The following NPAS3 variants were observed in gnomAD, a reference collection of about 807,000 sequenced individuals.
NPAS3 encodes neuronal PAS domain-containing protein 3.
NPAS3 carries 14 observed loss-of-function variants against 73.1 expected under a neutral mutation model. That is an observed-to-expected ratio of 0.19 (90% CI 0.13 to 0.30). The LOEUF (loss-of-function observed/expected upper bound fraction) is 0.30. Among genes scored for constraint, NPAS3 ranks in the 10% least tolerant of loss-of-function variants. NPAS3 has a pLI of 1.00. For synonymous variants in NPAS3, 620 were observed against 541.5 expected (o/e 1.14, Z -2.01); for missense variants, 1,096 against 1,250.0 (o/e 0.88, Z 1.86).
intron 5 of NPAS3, among the ~76,000 whole-genome samples, chr14:33,626,208 A>T (rs2058214209): frequency 6.6e-6 from 1 of 152,180 alleles, no homozygotes; most frequent in Non-Finnish European, 1.5e-5. Context: ...GAATCTACAA[A>T]CATCTAAGTA....
intron 3 of NPAS3, among the ~76,000 whole-genome samples, chr14:33,353,054 A>G (rs1454449530): frequency 6.6e-6 from 1 of 152,156 alleles, no homozygotes; most frequent in Admixed American, 6.5e-5. Context: ...TACTAAGGAC[A>G]AAGTTTATAT....
At chr14:33,574,433 G>T (rs1397493671) in intron 5 of NPAS3, among the ~76,000 whole-genome samples, 1 of 152,160 alleles carries the variant, frequency 6.6e-6, no homozygotes, top group East Asian at 1.9e-4. Flanking sequence ...CCCATCAGTT[G>T]AAAGATTTCC....
intron 5 of NPAS3, among the ~76,000 whole-genome samples, chr14:33,623,531 C>T (rs1406049085): frequency 1.3e-5 from 2 of 152,206 alleles, no homozygotes; most frequent in Non-Finnish European, 2.9e-5. Flanking sequence ...TCTACTGCAG[C>T]CACCTAATGG....
In NPAS3 at chr14:33,213,238, C is replaced by CAA. The variant is rs57553703; in HGVS notation, c.141-1936_141-1935dup. ...GCCCCATCATAGTCACTTACTGGACCAAAAAAAAATTGTAAGTTTAGCCCA... is the reference window on the plus strand; with the variant it reads ...GCCCCATCATAGTCACTTACTGGACCAAAAAAAAAAATTGTAAGTTTAGCCCA... On this transcript the variant is annotated intron_variant, in intron 2 of 11. Coordinates refer to ENST00000356141, the Ensembl canonical transcript of NPAS3. 7.0e-3 allele frequency among the ~76,000 whole-genome samples: 1,061 copies of CAA among 151,236 alleles called. 6 individuals carry two copies. The highest frequency in any genetic ancestry group is 0.051 in the Middle Eastern group (15 of 292).
At position 33,767,361 on chromosome 14, in the gene NPAS3, T is replaced by C. The variant is rs151048770; in HGVS notation, c.853-6976T>C. 9.4e-3 allele frequency among the ~76,000 whole-genome samples: 1,424 copies of C among 152,174 alleles called. 15 individuals carry two copies. The highest frequency in any genetic ancestry group is 0.013 in the Non-Finnish European group (911 of 68,028). On this transcript the variant is annotated intron_variant, in intron 7 of 11. Coordinates refer to ENST00000356141, the Ensembl canonical transcript of NPAS3. Reference sequence around the variant, plus strand: ...GTTTCAGAAGACCCGGCTAAGCCCTTATCTTTCGGCAGGTTTCAGGCCACC... The same window carrying C: ...GTTTCAGAAGACCCGGCTAAGCCCTCATCTTTCGGCAGGTTTCAGGCCACC...
At chr14:33,187,513 G>T (rs375073576) in intron 2 of NPAS3, among the ~76,000 whole-genome samples, 35 of 152,146 alleles carry the variant, frequency 2.3e-4, no homozygotes, top group African/African-American at 7.7e-4. Flanking sequence ...TAGGTTTGTT[G>T]TATACTTGTT....
At chr14:33,033,997 G>T (rs61974883) in intron 1 of NPAS3, among the ~76,000 whole-genome samples, 14,089 of 152,194 alleles carry the variant, frequency 0.093, 698 homozygotes, top group Non-Finnish European at 0.11. Flanking sequence ...TTGAAGTGAT[G>T]ACAAATTTAA....
intron 1 of NPAS3, among the ~76,000 whole-genome samples, chr14:33,036,624 G>C (rs775574939): frequency 1.3e-5 from 2 of 152,116 alleles, no homozygotes; most frequent in African/African-American, 2.4e-5. Flanking sequence ...TTGAAGATTA[G>C]TTTTGTGAAA....
chr14:33,773,089 CA>C (rs530750715), intron 7 of NPAS3, among the ~76,000 whole-genome samples: 1 of 152,014 alleles, frequency 6.6e-6, no homozygotes. Flanking sequence ...TTAAAAGAAA[CA>C]AAAATAAAAT....
intron 6 of NPAS3, among the ~76,000 whole-genome samples, chr14:33,688,764 C>A (rs778098263): frequency 2.6e-5 from 4 of 152,164 alleles, no homozygotes; most frequent in African/African-American, 7.2e-5. Flanking sequence ...CTTTTCCACC[C>A]CATCCTACCT....
chr14:33,409,749 G>A (rs1161300655), intron 4 of NPAS3, among the ~76,000 whole-genome samples: 3 of 152,132 alleles, frequency 2.0e-5, no homozygotes, highest in Non-Finnish European at 2.9e-5. Context: ...CAAAAGAGTA[G>A]GCATATTACT....
chr14:33,562,819 C>T (rs1415194051), intron 5 of NPAS3, among the ~76,000 whole-genome samples: 1 of 151,686 alleles, frequency 6.6e-6, no homozygotes, highest in Non-Finnish European at 1.5e-5. Context: ...TCATCAATGC[C>T]CTTTTTCAGT....
At chr14:33,240,495 T>A (rs917750434) in intron 3 of NPAS3, among the ~76,000 whole-genome samples, 2 of 151,874 alleles carry the variant, frequency 1.3e-5, no homozygotes, top group African/African-American at 4.8e-5. Flanking sequence ...TTGATAGCCT[T>A]GTCTGTGAAC....
At chr14:33,552,034 A>G (rs781591183) in intron 4 of NPAS3, among the ~76,000 whole-genome samples, 1 of 152,220 alleles carries the variant, frequency 6.6e-6, no homozygotes, top group Non-Finnish European at 1.5e-5. Flanking sequence ...CCCACAGATG[A>G]GTCGTCTTTA....
intron 4 of NPAS3, among the ~76,000 whole-genome samples, chr14:33,455,354 T>C (rs2049978432): frequency 6.6e-6 from 1 of 152,238 alleles, no homozygotes; most frequent in Non-Finnish European, 1.5e-5. Flanking sequence ...AAAACTTTGC[T>C]ATGGTGCCTT....
At chr14:33,345,996 G>A (rs2044708741) in intron 3 of NPAS3, among the ~76,000 whole-genome samples, 1 of 152,070 alleles carries the variant, frequency 6.6e-6, no homozygotes, top group East Asian at 1.9e-4. Flanking sequence ...ACTTTGGGAG[G>A]TCGAGGCAGG....
intron 2 of NPAS3, among the ~76,000 whole-genome samples, chr14:33,088,015 A>G (rs1161987448): frequency 6.6e-6 from 1 of 152,200 alleles, no homozygotes; most frequent in Non-Finnish European, 1.5e-5. Flanking sequence ...AATGATTTGA[A>G]CCAGAGAAGA....
At chr14:33,124,980 G>A (rs2043372392) in intron 2 of NPAS3, among the ~76,000 whole-genome samples, 2 of 152,094 alleles carry the variant, frequency 1.3e-5, no homozygotes, top group South Asian at 4.1e-4. Flanking sequence ...TAGTTCAAGA[G>A]CCTGGAGAAC....
chr14:33,649,525 G>A (rs1045046484), intron 5 of NPAS3, among the ~76,000 whole-genome samples: 3 of 152,094 alleles, frequency 2.0e-5, no homozygotes, highest in Non-Finnish European at 4.4e-5. Flanking sequence ...TGTAGAACTC[G>A]GCTATTAATA....
Sources: allele counts gnomAD v4.1 joint callset (sites outside exome capture counted in the v4.1 genomes callset), GRCh38; gene constraint gnomAD v4.1.1; transcripts MANE v1.5; gene names NCBI Gene and HGNC (gene_info 2026-07-23, HGNC 2026-07-21).